ALK: variants seen among roughly 807,000 people sequenced by gnomAD.
ALK encodes ALK receptor tyrosine kinase.
ALK carries 74 observed loss-of-function variants against 163.1 expected under a neutral mutation model. That is an observed-to-expected ratio of 0.45 (90% CI 0.38 to 0.55). The LOEUF is 0.55. Among genes scored for constraint, ALK ranks in the 20% least tolerant of loss-of-function variants. The probability of loss-of-function intolerance (pLI) is 0.00; values close to 1 mark genes in which losing one functional copy is unlikely to be tolerated. For synonymous variants in ALK, 960 were observed against 843.2 expected (o/e 1.14, Z -2.40); for missense variants, 2,063 against 2,105.3 (o/e 0.98, Z 0.39).
chr2:29,623,821 C>T (rs1328991160), intron 3 of ALK, among the ~76,000 whole-genome samples: 10 of 152,132 alleles, frequency 6.6e-5, no homozygotes, highest in Non-Finnish European at 1.2e-4. Context: ...ACCTTTATAA[C>T]AGAACAATAT....
intron 4 of ALK, among the ~76,000 whole-genome samples, chr2:29,527,499 C>A (rs1672987611): frequency 2.0e-5 from 3 of 151,920 alleles, no homozygotes. Context: ...CACGAGCAGG[C>A]AGTTTTGTTT....
At position 29,193,139 on chromosome 2, in the gene ALK, T is replaced by G; in HGVS notation, c.*85A>C. 1 of 1,408,906 alleles carries G rather than the reference T, an allele frequency of 7.1e-7. No homozygotes were observed. Among genetic ancestry groups the G allele is most frequent in the Non-Finnish European group, 9.9e-7 (1 of 1,009,670 alleles). The allele number at this position is 1,408,906 out of a possible 1,614,324, so 87.3% of individuals were successfully genotyped here. On this transcript the variant is annotated 3_prime_UTR_variant, in exon 29 of 29. Transcript: ENST00000389048. ...GCACAAAACAAAACGTGACATTTGGTCTCTGGTTTGTGAAGGAGCCATTGC... is the reference window on the plus strand; with the variant it reads ...GCACAAAACAAAACGTGACATTTGGGCTCTGGTTTGTGAAGGAGCCATTGC...
intron 4 of ALK, among the ~76,000 whole-genome samples, chr2:29,481,371 A>G (rs1037269188): frequency 1.3e-5 from 2 of 152,270 alleles, no homozygotes; most frequent in African/African-American, 2.4e-5. Context: ...GGAAGGGAAG[A>G]CAATTATTTT....
intron 12 of ALK, among the ~76,000 whole-genome samples, chr2:29,243,991 G>A (rs1664589978): frequency 6.6e-6 from 1 of 152,216 alleles, no homozygotes. Flanking sequence ...GTTACCTGAT[G>A]TAATTGAGTT....
chr2:29,569,859 TCCAGGTTGTC>T (rs1674306305), intron 3 of ALK, among the ~76,000 whole-genome samples: 1 of 152,208 alleles, frequency 6.6e-6, no homozygotes, highest in Non-Finnish European at 1.5e-5. Flanking sequence ...GAACCTGGGT[TCCAGGTTGTC>T]CCCCTTCCCT....
intron 3 of ALK, among the ~76,000 whole-genome samples, chr2:29,567,844 C>T (rs1674239137): frequency 6.6e-6 from 1 of 152,070 alleles, no homozygotes; most frequent in Non-Finnish European, 1.5e-5. Flanking sequence ...TTCTCAATTC[C>T]AAGTTTAGTT....
chr2:29,577,179 G>A (rs567453883), intron 3 of ALK, among the ~76,000 whole-genome samples: 66 of 152,148 alleles, frequency 4.3e-4, no homozygotes, highest in Middle Eastern at 3.4e-3. Flanking sequence ...CCACATTCTC[G>A]CAGGAAGTGG....
chr2:29,784,713 A>AACAACAACAAAAACAAC (rs145281816), intron 1 of ALK, among the ~76,000 whole-genome samples: 1 of 150,740 alleles, frequency 6.6e-6, no homozygotes, highest in African/African-American at 2.4e-5. Flanking sequence ...ACAACAACAA[A>AACAACAACAAAAACAAC]AACAACAACA....
chr2:29,916,714 G>A (rs183890252), intron 1 of ALK, among the ~76,000 whole-genome samples: 5 of 152,282 alleles, frequency 3.3e-5, no homozygotes, highest in East Asian at 1.9e-4. Context: ...TGCTTACAGG[G>A]AAATAGGCCT....
chr2:29,810,928 A>G (rs538139192), intron 1 of ALK, among the ~76,000 whole-genome samples: 2 of 152,086 alleles, frequency 1.3e-5, no homozygotes, highest in African/African-American at 4.8e-5. Context: ...CCATGTTAGG[A>G]CACAGTGAAA....
intron 6 of ALK, among the ~76,000 whole-genome samples, chr2:29,325,139 C>T (rs1667214039): frequency 6.6e-6 from 1 of 152,046 alleles, no homozygotes. Flanking sequence ...AAATTCCAAC[C>T]ATGGCAGGGT....
intron 4 of ALK, among the ~76,000 whole-genome samples, chr2:29,516,247 G>T (rs1672659385): frequency 6.6e-6 from 1 of 152,210 alleles, no homozygotes; most frequent in Non-Finnish European, 1.5e-5. Context: ...GTTGGGGTTT[G>T]GTGGGAGTAT....
intron 1 of ALK, among the ~76,000 whole-genome samples, chr2:29,818,621 G>C (rs979248908): frequency 6.6e-6 from 1 of 152,240 alleles, no homozygotes; most frequent in Admixed American, 6.5e-5. Flanking sequence ...CGTTGCATAA[G>C]AAATATAGCA....
At chr2:29,582,860 C>CTTTTTT (rs11406173) in intron 3 of ALK, among the ~76,000 whole-genome samples, 1 of 137,790 alleles carries the variant, frequency 7.3e-6, no homozygotes. Context: ...CCCAGCACTC[C>CTTTTTT]TTTTTTTTTT....
At chr2:29,512,626 T>C (rs1324020920) in intron 4 of ALK, among the ~76,000 whole-genome samples, 6 of 149,016 alleles carry the variant, frequency 4.0e-5, no homozygotes, top group African/African-American at 1.2e-4. Context: ...CTATTCAACA[T>C]AGTGTTGGAA....
At chr2:29,504,225 G>T (rs1267210031) in intron 4 of ALK, among the ~76,000 whole-genome samples, 5 of 152,026 alleles carry the variant, frequency 3.3e-5, no homozygotes, top group Admixed American at 2.6e-4. Context: ...AGGGCCAGTG[G>T]CCAGGAGAAA....
chr2:29,437,163 A>C (rs544692968), intron 4 of ALK, among the ~76,000 whole-genome samples: 1 of 152,042 alleles, frequency 6.6e-6, no homozygotes, highest in East Asian at 1.9e-4. Context: ...ACATGTGAAC[A>C]CTCTACAGCC....
intron 4 of ALK, among the ~76,000 whole-genome samples, chr2:29,417,160 T>C (rs1048893117): frequency 1.3e-5 from 2 of 151,848 alleles, no homozygotes; most frequent in African/African-American, 4.8e-5. Context: ...GCTAATTTTT[T>C]TGTAGTTTTA....
At chr2:29,827,721 C>T (rs1665241770) in intron 1 of ALK, among the ~76,000 whole-genome samples, 1 of 152,090 alleles carries the variant, frequency 6.6e-6, no homozygotes, top group Non-Finnish European at 1.5e-5. Context: ...GAATCAATAT[C>T]GTGAAAATGG....
Sources: gnomAD v4.1 joint callset for allele counts (sites outside exome capture counted in the v4.1 genomes callset) on GRCh38, gnomAD v4.1.1 for gene constraint, MANE v1.5 for transcripts, NCBI Gene and HGNC (gene_info 2026-07-23, HGNC 2026-07-21) for gene names.